Variants in FMN2 observed in about 807,000 individuals in gnomAD.
The protein encoded by FMN2 is formin 2.
Under a neutral mutation model 142.3 loss-of-function variants are expected in FMN2, and 51 were observed. That is an observed-to-expected ratio of 0.36 (90% CI 0.29 to 0.45). FMN2 has a LOEUF of 0.45. Among genes scored for constraint, FMN2 ranks in the 20% least tolerant of loss-of-function variants. The pLI is 1.00. For missense variants in FMN2, 1,936 were observed against 2,122.8 expected, an observed-to-expected ratio of 0.91 and a Z score of 1.73; for synonymous variants, 882 against 869.8, an observed-to-expected ratio of 1.01 and a Z score of -0.25.
chr1:240,395,142 T>A (rs1383649466), intron 15 of FMN2, among the ~76,000 whole-genome samples: 1 of 152,106 alleles, frequency 6.6e-6, no homozygotes, highest in Non-Finnish European at 1.5e-5. Context: ...CTGTGCTGTA[T>A]AAATGGAACA....
intron 15 of FMN2, among the ~76,000 whole-genome samples, chr1:240,398,111 T>C (rs577928209): frequency 1.3e-5 from 2 of 151,948 alleles, no homozygotes; most frequent in East Asian, 3.9e-4. Flanking sequence ...TTCTCATTCC[T>C]CAGCCTCCCC....
rs1307471814 is a variant in FMN2 at position 240,092,170 on chromosome 1, G to A, written c.61G>A (p.Gly21Ser). The A allele has an allele frequency of 6.3e-7, 1 of 1,577,774 alleles. No individual in the cohort carries two copies. The highest frequency in any genetic ancestry group is 1.2e-5 in the South Asian group (1 of 86,230). The change falls in exon 1 of 18, where the codon GGT becomes AGT. Residue 21 changes from glycine to serine, a missense_variant. Gly to Ser is a moderately conservative substitution (Grantham distance 56). This residue lies in a region of FMN2 where 751 missense variants were observed against 791.8 expected (regional missense o/e 0.95). Transcript: ENST00000319653. ...AGGTGATGCTTTGCACGAAGGCGGC[G>A]GTGGCGCCGAGGATGCGCTGGGGCC... ...SAGDALHEGG[G>S]GAEDALGPRD...
At chr1:240,147,180 G>T (rs1663523686) in intron 2 of FMN2, among the ~76,000 whole-genome samples, 1 of 152,012 alleles carries the variant, frequency 6.6e-6, no homozygotes, top group Non-Finnish European at 1.5e-5. Flanking sequence ...TCAATTAGTT[G>T]GTCTTAACTT....
intron 7 of FMN2, among the ~76,000 whole-genome samples, chr1:240,260,719 T>C (rs1274318587): frequency 6.6e-6 from 1 of 152,232 alleles, no homozygotes; most frequent in Admixed American, 6.5e-5. Context: ...TTTACTCTGC[T>C]GACTATTCCT....
chr1:240,341,688 T>G (rs1463513280), intron 13 of FMN2, among the ~76,000 whole-genome samples: 3 of 152,158 alleles, frequency 2.0e-5, no homozygotes, highest in Non-Finnish European at 4.4e-5. Flanking sequence ...CCCAAAATCA[T>G]TCACTGTCTT....
chr1:240,301,539 AAC>A (rs1453185581), intron 8 of FMN2, among the ~76,000 whole-genome samples: 1 of 151,812 alleles, frequency 6.6e-6, no homozygotes, highest in Non-Finnish European at 1.5e-5. Flanking sequence ...GTATTTTGAA[AAC>A]ACATCTTTTC....
At chr1:240,440,149 T>C (rs1317772316) in intron 16 of FMN2, among the ~76,000 whole-genome samples, 1 of 152,182 alleles carries the variant, frequency 6.6e-6, no homozygotes, top group Non-Finnish European at 1.5e-5. Context: ...GAGAATGGCT[T>C]GGTCCTGTCG....
chr1:240,282,690 G>A (rs1375783111), intron 7 of FMN2, among the ~76,000 whole-genome samples: 2 of 152,192 alleles, frequency 1.3e-5, no homozygotes, highest in African/African-American at 2.4e-5. Flanking sequence ...AGGTGCCCAA[G>A]CATCTTAGTG....
chr1:240,398,584 A>G (rs937932865), intron 15 of FMN2, among the ~76,000 whole-genome samples: 2 of 152,216 alleles, frequency 1.3e-5, no homozygotes, highest in African/African-American at 2.4e-5. Flanking sequence ...AATCATATGA[A>G]ACATTTGACG....
intron 15 of FMN2, among the ~76,000 whole-genome samples, chr1:240,395,993 G>T (rs1285666689): frequency 6.6e-6 from 1 of 152,116 alleles, no homozygotes; most frequent in Non-Finnish European, 1.5e-5. Flanking sequence ...TTTCATTGTT[G>T]TCTTATTAGC....
At chr1:240,434,564 T>TTG (rs1675293250) in intron 15 of FMN2, among the ~76,000 whole-genome samples, 1 of 149,370 alleles carries the variant, frequency 6.7e-6, no homozygotes, top group Non-Finnish European at 1.5e-5. Flanking sequence ...TGTTTTTTTT[T>TTG]GTTTTTTGTT....
chr1:240,111,091 A>G (rs1661792231), intron 1 of FMN2, among the ~76,000 whole-genome samples: 1 of 152,126 alleles, frequency 6.6e-6, no homozygotes, highest in Non-Finnish European at 1.5e-5. Context: ...GGTAACATTT[A>G]TTGGGTACTG....
intron 6 of FMN2, among the ~76,000 whole-genome samples, chr1:240,235,378 A>G (rs1185540558): frequency 6.6e-6 from 1 of 151,228 alleles, no homozygotes; most frequent in Non-Finnish European, 1.5e-5. Flanking sequence ...TTTTATTTGG[A>G]TCAGATTTTG....
chr1:240,314,959 A>G (rs888987788), intron 8 of FMN2, among the ~76,000 whole-genome samples: 1 of 152,208 alleles, frequency 6.6e-6, no homozygotes, highest in Non-Finnish European at 1.5e-5. Flanking sequence ...ATAACTATTC[A>G]GCTCTTCTGG....
intron 6 of FMN2, among the ~76,000 whole-genome samples, chr1:240,215,707 ATTTC>A (rs1157207988): frequency 6.6e-6 from 1 of 151,728 alleles, no homozygotes; most frequent in East Asian, 1.9e-4. Flanking sequence ...GTTTTAGCAG[ATTTC>A]TTTCTTTCTT....
intron 16 of FMN2, among the ~76,000 whole-genome samples, chr1:240,450,632 C>T (rs1339785232): frequency 2.0e-5 from 3 of 152,206 alleles, no homozygotes; most frequent in African/African-American, 7.2e-5. Flanking sequence ...GAGGCTGGCA[C>T]CCGAGCGTCA....
chr1:240,392,635 T>C (rs947378900), intron 15 of FMN2, 73 bp downstream of exon 15: 8 of 1,179,676 alleles, frequency 6.8e-6, no homozygotes, highest in Non-Finnish European at 8.3e-6. Context: ...AAGGAACCAA[T>C]TTTTAGTTCA....
At chr1:240,177,900 A>C (rs774423627) in intron 2 of FMN2, 21 bp from the exon 3 acceptor site, 6 of 1,535,338 alleles carry the variant, frequency 3.9e-6, no homozygotes, top group Non-Finnish European at 5.2e-6. Context: ...GCATTTCAAC[A>C]TTTTTTATTT....
At chr1:240,431,607 G>A (rs190555248) in intron 15 of FMN2, among the ~76,000 whole-genome samples, 3 of 151,498 alleles carry the variant, frequency 2.0e-5, no homozygotes, top group Admixed American at 2.0e-4. Context: ...GTTTTTCATA[G>A]ATAGTATTTA....
Sources: allele counts gnomAD v4.1 joint callset (sites outside exome capture counted in the v4.1 genomes callset), GRCh38; gene constraint gnomAD v4.1.1; regional missense constraint gnomAD v4.1.1; transcripts MANE v1.5; gene names NCBI Gene and HGNC (gene_info 2026-07-23, HGNC 2026-07-21).